The following USP45 variants were observed in gnomAD, a reference collection of about 807,000 sequenced individuals.
The protein encoded by USP45 is ubiquitin specific peptidase 45, also known as ubiquitin carboxyl-terminal hydrolase 45.
A neutral mutation model predicts 95.8 loss-of-function variants in USP45; 89 were observed. The ratio of observed to expected loss-of-function variants is 0.93; its 90% CI spans 0.78 to 1.11. The LOEUF (loss-of-function observed/expected upper bound fraction) is 1.11, where lower values mean the gene tolerates loss of function less well. USP45 is among the 50% of genes least tolerant of loss of function. The pLI is 0.00. For synonymous variants in USP45, 281 were observed against 316.2 expected (o/e 0.89, Z 1.18); for missense variants, 898 against 942.5 (o/e 0.95, Z 0.62).
At position 99,446,063 on chromosome 6, in the gene USP45, C is replaced by T. The variant is rs778642331; in HGVS notation, c.1709G>A (p.Gly570Glu). 386 of 1,613,844 alleles carry T rather than the reference C, an allele frequency of 2.4e-4. No homozygotes were observed. Among genetic ancestry groups the T allele is most frequent in the Middle Eastern group, 2.0e-3 (12 of 6,084 alleles). The change falls in exon 14 of 18, where the codon GGA (glycine) becomes GAA (glutamate). Residue 570 changes from glycine to glutamate, a missense_variant. Gly to Glu is a moderately conservative substitution (Grantham distance 98, BLOSUM62 -2). Coordinates refer to ENST00000500704, the MANE Select transcript of USP45 (RefSeq NM_001346022.3). Reference sequence around the variant, plus strand: ...ATTTTCTCTGTCAAAATCTTGATCTCCAGTTACAGTGCTGCTCAAACGAAG... The same window carrying T: ...ATTTTCTCTGTCAAAATCTTGATCTTCAGTTACAGTGCTGCTCAAACGAAG... ...SELRLSSTVT[G>E]DQDFDRENQP... is the part of the protein sequence containing the mutation.
chr6:99,456,132 C>T (rs12204054), intron 13 of USP45, among the ~76,000 whole-genome samples: 40,960 of 87,582 alleles, frequency 0.47, 6,813 homozygotes, highest in Middle Eastern at 0.61. Context: ...GACTCTGTCT[C>T]GGAAAAAAAA....
chr6:99,470,856 A>G (rs759772211), intron 9 of USP45, among the ~76,000 whole-genome samples: 15 of 152,216 alleles, frequency 9.9e-5, no homozygotes, highest in African/African-American at 1.4e-4. Context: ...GATAATCATA[A>G]CATTTCAAAC....
chr6:99,478,226 T>G (rs1031309807), intron 8 of USP45, among the ~76,000 whole-genome samples: 2 of 109,842 alleles, frequency 1.8e-5, no homozygotes, highest in Non-Finnish European at 4.7e-5. Flanking sequence ...ATTTGTTTTT[T>G]TTTTTTTTTT....
At chr6:99,467,420 T>C (rs1788247552) in intron 10 of USP45, among the ~76,000 whole-genome samples, 1 of 151,946 alleles carries the variant, frequency 6.6e-6, no homozygotes, top group African/African-American at 2.4e-5. Flanking sequence ...TCATAAACCA[T>C]GGGAGGAAAA....
chr6:99,471,545 T>G (rs940985878), intron 9 of USP45, among the ~76,000 whole-genome samples: 5 of 152,144 alleles, frequency 3.3e-5, no homozygotes, highest in African/African-American at 1.2e-4. Flanking sequence ...CAAAGAAGCA[T>G]AAATGTATAA....
At chr6:99,493,437 G>A (rs1275900570) in intron 5 of USP45, among the ~76,000 whole-genome samples, 2 of 152,208 alleles carry the variant, frequency 1.3e-5, no homozygotes, top group African/African-American at 4.8e-5. Context: ...TACAATTCTA[G>A]TTTAAAACAG....
intron 13 of USP45, among the ~76,000 whole-genome samples, chr6:99,449,401 C>A (rs934521880): frequency 2.0e-5 from 3 of 152,092 alleles, no homozygotes; most frequent in Admixed American, 2.0e-4. Flanking sequence ...TTTAAAACAA[C>A]AAAGATCAAA....
intron 13 of USP45, chr6:99,461,321 GAA>G (rs1562340451): frequency 1.0e-6 from 1 of 985,162 alleles, no homozygotes; most frequent in African/African-American, 1.7e-5. Context: ...ATAGCCTATG[GAA>G]TAGACTTCAC....
Position 99,465,875 on chromosome 6 carries a change from A to T in USP45, c.1108-739T>A, listed in dbSNP as rs979614009. 2.0e-5 allele frequency among the ~76,000 whole-genome samples: 3 copies of T among 152,350 alleles called. No individual in the cohort carries two copies. The South Asian group carries it at 6.2e-4, about 32-fold the overall frequency. ...AAATTCATACATGCTTTAAGTTGTT[A>T]AAGATGGCATTCAAAATAAAAATTA... On this transcript the variant is annotated intron_variant, in intron 11 of 17. Transcript: ENST00000500704.
intron 13 of USP45, among the ~76,000 whole-genome samples, chr6:99,449,205 A>G (rs1369735207): frequency 1.3e-5 from 2 of 152,216 alleles, no homozygotes; most frequent in East Asian, 3.9e-4. Context: ...AAATGCTCCA[A>G]TTAAAAGATA....
intron 17 of USP45, among the ~76,000 whole-genome samples, chr6:99,436,413 G>A (rs1333851217): frequency 3.4e-5 from 4 of 118,192 alleles, no homozygotes; most frequent in Non-Finnish European, 3.7e-5. Flanking sequence ...GACATTAGCC[G>A]GGTGTGGTGG....
intron 13 of USP45, among the ~76,000 whole-genome samples, chr6:99,449,940 T>A (rs920353310): frequency 2.0e-5 from 3 of 152,108 alleles, no homozygotes; most frequent in African/African-American, 7.2e-5. Context: ...ACTGGTTACA[T>A]AACGAAATGA....
chr6:99,496,354 T>C (rs908665822), intron 5 of USP45, among the ~76,000 whole-genome samples: 4 of 151,932 alleles, frequency 2.6e-5, no homozygotes, highest in Admixed American at 6.6e-5. Flanking sequence ...CATAATATTA[T>C]ACTCAGATGG....
chr6:99,510,528 G>C lies in USP45; in HGVS notation c.-10-298C>G, dbSNP rs144470915. Among the ~76,000 whole-genome samples, 795 of 152,298 alleles carry C rather than the reference G, an allele frequency of 5.2e-3. 6 individuals carry two copies. Among genetic ancestry groups the C allele is most frequent in the African/African-American group, 0.018 (744 of 41,558 alleles). ...CAAAGTGATGATACTTGGAGGTGAA[G>C]CCTTTGAGAGGTAATTAGGTCATGT... is the stretch of plus-strand genomic sequence containing the variant. On this transcript the variant is annotated intron_variant, in intron 1 of 17. Transcript: ENST00000500704.
intron 13 of USP45, among the ~76,000 whole-genome samples, chr6:99,450,728 C>CA (rs1349764604): frequency 6.6e-6 from 1 of 151,894 alleles, no homozygotes; most frequent in Admixed American, 6.6e-5. Context: ...AGAGACACAA[C>CA]AAAAAAAGAG....
intron 13 of USP45, among the ~76,000 whole-genome samples, chr6:99,464,343 GA>G: frequency 6.6e-6 from 1 of 152,096 alleles, no homozygotes; most frequent in East Asian, 1.9e-4. Context: ...CTCTTGTAGA[GA>G]TACACATTGA....
intron 17 of USP45, 38 bp downstream of exon 17, chr6:99,437,207 GT>G: frequency 6.4e-7 from 1 of 1,565,604 alleles, no homozygotes; most frequent in Non-Finnish European, 8.6e-7. Context: ...GCACATATTC[GT>G]TTGTTTTTAA....
intron 5 of USP45, among the ~76,000 whole-genome samples, chr6:99,491,231 A>G (rs747863011): frequency 2.2e-4 from 33 of 152,246 alleles, no homozygotes; most frequent in Non-Finnish European, 4.3e-4. Context: ...CCAGGCATGG[A>G]AAAAAGAAAA....
chr6:99,439,019 G>A (rs1395871797), intron 16 of USP45, among the ~76,000 whole-genome samples: 1 of 152,072 alleles, frequency 6.6e-6, no homozygotes, highest in Non-Finnish European at 1.5e-5. Flanking sequence ...ACAATTGACA[G>A]ATAGTGCTGG....
Sources: allele counts gnomAD v4.1 joint callset (sites outside exome capture counted in the v4.1 genomes callset), GRCh38; gene constraint gnomAD v4.1.1; transcripts MANE v1.5; gene names NCBI Gene and HGNC (gene_info 2026-07-23, HGNC 2026-07-21).